Variants in ASTN2 observed in about 807,000 individuals in gnomAD.
ASTN2 encodes the protein astrotactin-2.
In ASTN2, 54 loss-of-function variants were observed where a neutral mutation model predicts 139.8. That is an observed-to-expected ratio of 0.39 (90% CI 0.31 to 0.48). The LOEUF (loss-of-function observed/expected upper bound fraction) is 0.48. Among genes scored for constraint, ASTN2 ranks in the 20% least tolerant of loss-of-function variants. The pLI is 0.95. For synonymous variants in ASTN2, 756 were observed against 719.5 expected (o/e 1.05, Z -0.81); for missense variants, 1,565 against 1,725.1 (o/e 0.91, Z 1.64).
At chr9:117,109,004 G>A (rs990257861) in intron 4 of ASTN2, among the ~76,000 whole-genome samples, 4 of 152,030 alleles carry the variant, frequency 2.6e-5, no homozygotes, top group Non-Finnish European at 5.9e-5. Context: ...TGTCCTTCCG[G>A]CTGGGCATGG....
At chr9:116,801,818 T>C (rs1257668380) in intron 13 of ASTN2, among the ~76,000 whole-genome samples, 3 of 151,934 alleles carry the variant, frequency 2.0e-5, no homozygotes, top group Admixed American at 2.0e-4. Flanking sequence ...ATTGCTCTAA[T>C]ATAATGGTGG....
Position 116,805,803 on chromosome 9 carries a change from T to C in ASTN2, c.2225A>G (p.Lys742Arg), listed in dbSNP as rs772944161. 8.1e-6 allele frequency: 13 copies of C among 1,613,708 alleles called. No homozygotes were observed. Among genetic ancestry groups the C allele is most frequent in the Admixed American group, 3.3e-5 (2 of 59,996 alleles). ...GCAGGATTTTCCATCAGGAGCCAGT[T>C]TGTACTCCTCCACGCAACTGTATGA... ...FMFCGCVEEYKLAPDGKSCLM... is the reference protein window; with the variant it reads ...FMFCGCVEEYRLAPDGKSCLM... Residue 742 changes from lysine (K) to arginine (R), a missense_variant, in exon 13 of 23, where the codon AAA becomes AGA. Physicochemically the swap from Lys to Arg is conservative, Grantham distance 26 (BLOSUM62 2). Coordinates refer to ENST00000313400, the MANE Select transcript of ASTN2 (RefSeq NM_001365068.1).
At chr9:117,280,381 A>G (rs1205697376) in intron 2 of ASTN2, among the ~76,000 whole-genome samples, 1 of 152,156 alleles carries the variant, frequency 6.6e-6, no homozygotes, top group Non-Finnish European at 1.5e-5. Context: ...ATGTTATCTT[A>G]TTTGGAAAAA....
intron 11 of ASTN2, among the ~76,000 whole-genome samples, chr9:116,847,048 C>T (rs796917339): frequency 9.8e-6 from 1 of 101,678 alleles, no homozygotes; most frequent in East Asian, 3.2e-4. Flanking sequence ...AAACAAAAAA[C>T]AAAAAAAAAC....
intron 6 of ASTN2, among the ~76,000 whole-genome samples, chr9:117,037,240 G>T (rs1369916736): frequency 6.6e-6 from 1 of 151,066 alleles, no homozygotes; most frequent in Non-Finnish European, 1.5e-5. Flanking sequence ...TATGACATTG[G>T]GCACACCGAG....
intron 4 of ASTN2, among the ~76,000 whole-genome samples, chr9:117,116,809 G>A (rs1340536947): frequency 2.7e-5 from 3 of 112,428 alleles, no homozygotes; most frequent in African/African-American, 1.0e-4. Context: ...TGTTGATGGG[G>A]TTTTGAGGCA....
chr9:117,155,004 T>A (rs2132887572), intron 3 of ASTN2, among the ~76,000 whole-genome samples: 1 of 152,130 alleles, frequency 6.6e-6, no homozygotes, highest in East Asian at 1.9e-4. Context: ...TTCCATGATC[T>A]TAACCACTCT....
At chr9:117,074,260 G>A (rs1423997386) in intron 5 of ASTN2, among the ~76,000 whole-genome samples, 4 of 152,148 alleles carry the variant, frequency 2.6e-5, no homozygotes, top group African/African-American at 7.2e-5. Flanking sequence ...AGGAGGAGGA[G>A]GAGGAGGAAT....
intron 16 of ASTN2, among the ~76,000 whole-genome samples, chr9:116,654,277 G>A (rs1858087208): frequency 6.6e-6 from 1 of 152,208 alleles, no homozygotes; most frequent in African/African-American, 2.4e-5. Context: ...TGCAAGGACA[G>A]AATTGAGTAG....
intron 12 of ASTN2, among the ~76,000 whole-genome samples, chr9:116,806,946 C>G (rs997584934): frequency 6.6e-6 from 1 of 152,140 alleles, no homozygotes; most frequent in Admixed American, 6.5e-5. Flanking sequence ...ATAATTTCTG[C>G]TTTACACATA....
intron 10 of ASTN2, among the ~76,000 whole-genome samples, chr9:116,967,528 C>G (rs1836047381): frequency 6.6e-6 from 1 of 152,206 alleles, no homozygotes; most frequent in South Asian, 2.1e-4. Flanking sequence ...AGCCACCCTT[C>G]TATCAACATC....
At chr9:117,136,053 A>AT (rs1361782614) in intron 4 of ASTN2, among the ~76,000 whole-genome samples, 11 of 152,322 alleles carry the variant, frequency 7.2e-5, no homozygotes, top group Admixed American at 3.9e-4. Context: ...TCTTGCTTCT[A>AT]TAACAAGGTA....
chr9:116,760,741 G>A (rs570379872), intron 13 of ASTN2, among the ~76,000 whole-genome samples: 17 of 152,278 alleles, frequency 1.1e-4, no homozygotes, highest in African/African-American at 4.1e-4. Context: ...AGAAGGGAGT[G>A]GGGGTGGCAG....
chr9:116,693,933 A>T (rs191705012), intron 16 of ASTN2, among the ~76,000 whole-genome samples: 1 of 152,266 alleles, frequency 6.6e-6, no homozygotes, highest in East Asian at 1.9e-4. Flanking sequence ...TCAGGCTAAG[A>T]TCCTTCACAA....
chr9:117,296,597 A>T (rs1834743347), intron 1 of ASTN2, among the ~76,000 whole-genome samples: 1 of 152,222 alleles, frequency 6.6e-6, no homozygotes, highest in Non-Finnish European at 1.5e-5. Context: ...TTTAAGCAAA[A>T]GGGGGACTAA....
At chr9:117,257,650 A>G (rs762138908) in intron 2 of ASTN2, among the ~76,000 whole-genome samples, 8 of 152,206 alleles carry the variant, frequency 5.3e-5, no homozygotes, top group Non-Finnish European at 1.0e-4. Flanking sequence ...TTTGGCTTTG[A>G]AGTGAGAATC....
chr9:116,607,721 A>G (rs1475406816), intron 19 of ASTN2, among the ~76,000 whole-genome samples: 2 of 135,836 alleles, frequency 1.5e-5, no homozygotes, highest in South Asian at 4.8e-4. Flanking sequence ...ACACACACAC[A>G]CACGCTGAAG....
At chr9:117,177,325 G>A (rs1830941227) in intron 3 of ASTN2, among the ~76,000 whole-genome samples, 2 of 152,050 alleles carry the variant, frequency 1.3e-5, no homozygotes, top group Admixed American at 1.3e-4. Flanking sequence ...GGAAGCTGAG[G>A]GACAAATCAG....
In ASTN2 at chr9:116,423,339, T is replaced by C. The variant is rs1347034311; in HGVS notation, c.*2512A>G. ...GGTGGGACCAGCATTGACTCCACTTTGTTGATGAGAAACCTGATGTCAAGT... is the reference window on the plus strand; with the variant it reads ...GGTGGGACCAGCATTGACTCCACTTCGTTGATGAGAAACCTGATGTCAAGT... On this transcript the variant is annotated 3_prime_UTR_variant, in exon 23 of 23. Transcript: ENST00000313400. 6.6e-6 allele frequency among the ~76,000 whole-genome samples: 1 copy of C among 152,216 alleles called. No individual in the cohort carries two copies. The highest frequency in any genetic ancestry group is 1.5e-5 in the Non-Finnish European group (1 of 68,032).
Sources: gnomAD v4.1 joint callset for allele counts (sites outside exome capture counted in the v4.1 genomes callset) on GRCh38, gnomAD v4.1.1 for gene constraint, MANE v1.5 for transcripts, NCBI Gene and HGNC (gene_info 2026-07-23, HGNC 2026-07-21) for gene names.